The following GRIA4 variants were observed in gnomAD, a reference collection of about 807,000 sequenced individuals.
GRIA4 encodes glutamate receptor 4.
A neutral mutation model predicts 104.0 loss-of-function variants in GRIA4; 34 were observed. That is an observed-to-expected ratio of 0.33 (90% CI 0.25 to 0.44). GRIA4 has a LOEUF of 0.44. Ranked by LOEUF, GRIA4 falls within the 20% of genes least tolerant of loss-of-function variation. The probability of loss-of-function intolerance (pLI) is 1.00; values close to 1 mark genes in which losing one functional copy is unlikely to be tolerated. For synonymous variants in GRIA4, 386 were observed against 381.9 expected, an observed-to-expected ratio of 1.01 and a Z score of -0.13; for missense variants, 750 against 1,096.5, an observed-to-expected ratio of 0.68 and a Z score of 4.46.
At chr11:105,787,946 A>G (rs1327042847) in intron 4 of GRIA4, among the ~76,000 whole-genome samples, 2 of 152,180 alleles carry the variant, frequency 1.3e-5, no homozygotes, top group Admixed American at 6.5e-5. Context: ...CTATTCAATG[A>G]ATAGGAGTAG....
At chr11:105,721,823 A>G (rs769187882) in intron 3 of GRIA4, among the ~76,000 whole-genome samples, 4 of 152,020 alleles carry the variant, frequency 2.6e-5, no homozygotes, top group Non-Finnish European at 5.9e-5. Flanking sequence ...ATGGCCTGTG[A>G]TTGGACAGCA....
intron 3 of GRIA4, among the ~76,000 whole-genome samples, chr11:105,732,440 A>T (rs1938657938): frequency 6.6e-6 from 1 of 152,182 alleles, no homozygotes; most frequent in African/African-American, 2.4e-5. Flanking sequence ...GATAGTTCTC[A>T]TGGGATGAAG....
chr11:105,849,016 C>T (rs1944699394), intron 4 of GRIA4, among the ~76,000 whole-genome samples: 1 of 152,050 alleles, frequency 6.6e-6, no homozygotes, highest in South Asian at 2.1e-4. Flanking sequence ...ATGGCGACAA[C>T]CCGTCTCTAC....
At chr11:105,860,649 C>T (rs1945187679) in intron 4 of GRIA4, among the ~76,000 whole-genome samples, 1 of 152,166 alleles carries the variant, frequency 6.6e-6, no homozygotes, top group Middle Eastern at 3.4e-3. Flanking sequence ...TTATTCTTCT[C>T]TCACATTACA....
At chr11:105,645,116 C>A (rs188584535) in intron 3 of GRIA4, among the ~76,000 whole-genome samples, 9 of 152,236 alleles carry the variant, frequency 5.9e-5, no homozygotes, top group Admixed American at 2.6e-4. Context: ...GCTTCATAAT[C>A]AGGAAGGGTG....
rs145208689 is a variant in GRIA4 at position 105,799,026 on chromosome 11, A to G, written c.487+45806A>G. On this transcript the variant is annotated intron_variant, in intron 4 of 16. Coordinates refer to ENST00000282499, the MANE Select transcript of GRIA4 (RefSeq NM_000829.4). ...GTTCATAGATAATGAGAGAACAACA[A>G]GAGAAATCCAAGTTCTAAACTCTGC... Among the ~76,000 whole-genome samples the G allele has an allele frequency of 2.9e-3, 448 of 152,284 alleles. 1 individual carries two copies. The highest frequency in any genetic ancestry group is 0.021 in the Middle Eastern group (6 of 292).
chr11:105,719,745 G>A (rs920255214), intron 3 of GRIA4, among the ~76,000 whole-genome samples: 8 of 151,096 alleles, frequency 5.3e-5, no homozygotes, highest in African/African-American at 7.3e-5. Flanking sequence ...ACTCAGATGC[G>A]TTCAGGCTCT....
At chr11:105,730,145 C>T (rs1372086387) in intron 3 of GRIA4, among the ~76,000 whole-genome samples, 1 of 152,118 alleles carries the variant, frequency 6.6e-6, no homozygotes, top group Non-Finnish European at 1.5e-5. Context: ...CGTCTCAGCC[C>T]AAAATCTCCT....
Position 105,749,367 on chromosome 11 carries a change from C to A in GRIA4, c.248-3614C>A, listed in dbSNP as rs1056459929. Among the ~76,000 whole-genome samples, 5 of 152,174 alleles carry A rather than the reference C, an allele frequency of 3.3e-5. No homozygotes were observed. In the East Asian group the frequency reaches 9.7e-4, roughly 29 times the overall value. ...TAGGAAGCATGAGGTCAGGAAAGTT[C>A]TTTGCTTTATAAAAGAAAAGAGTTG... On this transcript the variant is annotated intron_variant, in intron 3 of 16. Transcript: ENST00000282499.
rs563326949 is a variant in GRIA4 at position 105,688,361 on chromosome 11, A to C, written c.248-64620A>C. Among the ~76,000 whole-genome samples the C allele has an allele frequency of 3.0e-3, 451 of 152,162 alleles. 7 individuals carry two copies. The highest frequency in any genetic ancestry group is 0.011 in the African/African-American group (443 of 41,512). On this transcript the variant is annotated intron_variant, in intron 3 of 16. Transcript: ENST00000282499. ...ATCACGAGGTCAGGACATCGAGACCATCCTGGCTAGCGTGGTGAAACCCCG... is the reference window on the plus strand; with the variant it reads ...ATCACGAGGTCAGGACATCGAGACCCTCCTGGCTAGCGTGGTGAAACCCCG...
rs1280577519 is a variant in GRIA4, at chr11:105,924,604, T to C, written c.1682T>C (p.Val561Ala). Residue 561 changes from valine to alanine, a missense_variant, in exon 12 of 17, where the codon GTC becomes GCC. This residue lies in a region of GRIA4 where 272 missense variants were observed against 524.5 expected (regional missense o/e 0.52). Transcript: ENST00000282499. The part of the protein sequence containing the change: ...IVFAYIGVSV[V>A]LFLVSRFSPY... Reference sequence around the variant, plus strand: ...TTTGCCTACATTGGTGTCAGCGTGGTCTTATTCCTAGTTAGTAGATTTAGT... The same window carrying C: ...TTTGCCTACATTGGTGTCAGCGTGGCCTTATTCCTAGTTAGTAGATTTAGT... The C allele has an allele frequency of 6.2e-7, 1 of 1,612,932 alleles. No homozygotes were observed. Among genetic ancestry groups the C allele is most frequent in the Non-Finnish European group, 8.5e-7 (1 of 1,179,234 alleles).
At chr11:105,635,347 A>C (rs1951176271) in intron 3 of GRIA4, among the ~76,000 whole-genome samples, 2 of 152,142 alleles carry the variant, frequency 1.3e-5, no homozygotes, top group Admixed American at 1.3e-4. Context: ...TGGAAGAAAA[A>C]AGTCAGGATT....
chr11:105,894,257 A>G (rs1000483815), intron 6 of GRIA4, among the ~76,000 whole-genome samples: 1 of 152,304 alleles, frequency 6.6e-6, no homozygotes, highest in Middle Eastern at 3.4e-3. Flanking sequence ...AAGAATATGC[A>G]GGAGTATAAG....
chr11:105,750,153 C>A (rs138497914), intron 3 of GRIA4, among the ~76,000 whole-genome samples: 2 of 152,124 alleles, frequency 1.3e-5, no homozygotes, highest in African/African-American at 2.4e-5. Flanking sequence ...GTTTTCAAAG[C>A]TATATTATAA....
At chr11:105,863,497 T>C (rs1945301766) in intron 5 of GRIA4, among the ~76,000 whole-genome samples, 2 of 152,136 alleles carry the variant, frequency 1.3e-5, no homozygotes, top group Admixed American at 6.5e-5. Flanking sequence ...CAAAAAATTT[T>C]TGAAGTTGTA....
chr11:105,624,379 G>A (rs1318648098), intron 3 of GRIA4, among the ~76,000 whole-genome samples: 1 of 152,110 alleles, frequency 6.6e-6, no homozygotes, highest in Non-Finnish European at 1.5e-5. Flanking sequence ...AGGTGAACTA[G>A]CAAGCACACT....
intron 4 of GRIA4, among the ~76,000 whole-genome samples, chr11:105,846,029 G>T (rs1245431469): frequency 6.6e-6 from 1 of 152,172 alleles, no homozygotes; most frequent in African/African-American, 2.4e-5. Flanking sequence ...CCTTCTTAGA[G>T]AAACAAAGTG....
intron 3 of GRIA4, among the ~76,000 whole-genome samples, chr11:105,740,066 A>G (rs757005613): frequency 5.3e-5 from 8 of 152,310 alleles, no homozygotes; most frequent in African/African-American, 1.7e-4. Flanking sequence ...AATTAAATGT[A>G]TGAAAATGAC....
At chr11:105,848,638 G>A (rs1322048843) in intron 4 of GRIA4, among the ~76,000 whole-genome samples, 1 of 152,086 alleles carries the variant, frequency 6.6e-6, no homozygotes, top group Non-Finnish European at 1.5e-5. Flanking sequence ...TATCCTGGTG[G>A]GAAACTAATG....
Sources: allele counts gnomAD v4.1 joint callset (sites outside exome capture counted in the v4.1 genomes callset), GRCh38; gene constraint gnomAD v4.1.1; regional missense constraint gnomAD v4.1.1; transcripts MANE v1.5; gene names NCBI Gene and HGNC (gene_info 2026-07-23, HGNC 2026-07-21).